SLC22A3: variants seen among roughly 807,000 people sequenced by gnomAD.
SLC22A3 encodes solute carrier family 22 member 3.
Under a neutral mutation model 59.1 loss-of-function variants are expected in SLC22A3, and 51 were observed. That is an observed-to-expected ratio of 0.86 (90% confidence interval 0.69 to 1.09). The LOEUF (loss-of-function observed/expected upper bound fraction) is 1.09, where lower values mean the gene tolerates loss of function less well. Ranked by LOEUF, SLC22A3 falls within the 50% of genes least tolerant of loss-of-function variation. The pLI is 0.00. For missense variants in SLC22A3, 711 were observed against 726.3 expected (o/e 0.98, Z 0.24); for synonymous variants, 325 against 292.0 (o/e 1.11, Z -1.15).
chr6:160,392,524 C>G (rs527628221), intron 1 of SLC22A3, among the ~76,000 whole-genome samples: 1 of 152,334 alleles, frequency 6.6e-6, no homozygotes, highest in Non-Finnish European at 1.5e-5. Flanking sequence ...TTCCTCCCAG[C>G]CTTCTCGGCA....
At chr6:160,432,356 G>A in intron 5 of SLC22A3, among the ~76,000 whole-genome samples, 1 of 152,060 alleles carries the variant, frequency 6.6e-6, no homozygotes, top group Non-Finnish European at 1.5e-5. Context: ...TCAACAATCG[G>A]GTACGCTGTG....
chr6:160,398,230 G>A (rs1178105346), intron 2 of SLC22A3, 148 bp downstream of exon 2: 5 of 645,260 alleles, frequency 7.7e-6, no homozygotes, highest in Admixed American at 2.1e-5. Flanking sequence ...ATCCACACTT[G>A]GTTGGTTTGA....
chr6:160,415,188 C>CT lies in SLC22A3; in HGVS notation c.975+4342_975+4343insT, dbSNP rs1787430062. Among the ~76,000 whole-genome samples the CT allele has an allele frequency of 6.6e-6, 1 of 152,174 alleles. No homozygotes were observed. The highest frequency in any genetic ancestry group is 6.5e-5 in the Admixed American group (1 of 15,274). ...GGATTTAACATTTAAGTTTAAAACA[C>CT]CTTGCTAAAAGCGGAATTCAGCCAC... On this transcript the variant is annotated intron_variant, in intron 5 of 10. Transcript: ENST00000275300. The surrounding 1 kb of genome is among the most constrained non-coding windows in gnomAD (Gnocchi z 4.1).
chr6:160,428,329 G>T (rs1467685133), intron 5 of SLC22A3, among the ~76,000 whole-genome samples: 1 of 152,126 alleles, frequency 6.6e-6, no homozygotes, highest in African/African-American at 2.4e-5. Context: ...CAAACTAATG[G>T]AATAAAATAT....
intron 1 of SLC22A3, among the ~76,000 whole-genome samples, chr6:160,364,720 G>C (rs1785144670): frequency 6.6e-6 from 1 of 152,160 alleles, no homozygotes; most frequent in Non-Finnish European, 1.5e-5. Context: ...CAAGCCTCTG[G>C]CACCAGAGGG....
chr6:160,447,669 G>T, intron 9 of SLC22A3, 50 bp from the exon 10 acceptor site: 1 of 1,519,338 alleles, frequency 6.6e-7, no homozygotes, highest in Non-Finnish European at 9.1e-7. Flanking sequence ...CATGGGAGAG[G>T]GCCCAGCTGT....
chr6:160,413,018 TAAG>T (rs1787319807), intron 5 of SLC22A3, among the ~76,000 whole-genome samples: 1 of 150,514 alleles, frequency 6.6e-6, no homozygotes, highest in Non-Finnish European at 1.5e-5. Flanking sequence ...TATAGAAAAA[TAAG>T]AATATAGAAA....
At chr6:160,352,903 C>A (rs950527991) in intron 1 of SLC22A3, among the ~76,000 whole-genome samples, 2 of 152,210 alleles carry the variant, frequency 1.3e-5, no homozygotes, top group African/African-American at 2.4e-5. Context: ...CTCACTGCAA[C>A]CTTGCCCCCC....
At chr6:160,428,695 T>G (rs941057296) in intron 5 of SLC22A3, among the ~76,000 whole-genome samples, 6 of 152,232 alleles carry the variant, frequency 3.9e-5, no homozygotes, top group Admixed American at 6.5e-5. Context: ...CACATTATAT[T>G]CTTACTGGAC....
At chr6:160,412,824 G>C (rs1391782594) in intron 5 of SLC22A3, among the ~76,000 whole-genome samples, 2 of 151,872 alleles carry the variant, frequency 1.3e-5, no homozygotes, top group Non-Finnish European at 2.9e-5. Context: ...TAAGTCCAAG[G>C]TTTTGATCTT....
chr6:160,354,909 A>C (rs921220141), intron 1 of SLC22A3, among the ~76,000 whole-genome samples: 1 of 152,200 alleles, frequency 6.6e-6, no homozygotes, highest in Admixed American at 6.5e-5. Flanking sequence ...CACGTGTCTG[A>C]GTCCTGGTCA....
intron 1 of SLC22A3, among the ~76,000 whole-genome samples, chr6:160,386,678 A>C (rs1373267701): frequency 6.6e-6 from 1 of 152,200 alleles, no homozygotes; most frequent in Non-Finnish European, 1.5e-5. Context: ...AGCTGCTGCC[A>C]CCAGCAGCAC....
At chr6:160,357,193 A>C (rs1355048965) in intron 1 of SLC22A3, among the ~76,000 whole-genome samples, 1 of 152,214 alleles carries the variant, frequency 6.6e-6, no homozygotes, top group African/African-American at 2.4e-5. Context: ...TTTCAAATTC[A>C]GTCCTGGGAG....
In SLC22A3 at chr6:160,402,967, C is replaced by T. The variant is rs374207751; in HGVS notation, c.534-4074C>T. On this transcript the variant is annotated intron_variant, in intron 2 of 10. Coordinates refer to ENST00000275300, the MANE Select transcript of SLC22A3 (RefSeq NM_021977.4). ...AAATATATAAAATCAATAATCTAAG[C>T]TTTCACCTTAGGAAACTGGAGAAGA... 2.3e-4 allele frequency among the ~76,000 whole-genome samples: 35 copies of T among 151,290 alleles called. No individual in the cohort carries two copies. In the South Asian group the frequency reaches 7.1e-3, roughly 31 times the overall value.
intron 5 of SLC22A3, among the ~76,000 whole-genome samples, chr6:160,436,052 A>C (rs937388677): frequency 2.6e-5 from 4 of 152,092 alleles, no homozygotes; most frequent in Admixed American, 2.6e-4. Context: ...TAAAATCAGG[A>C]CTGAGGAGGT....
chr6:160,358,930 A>G (rs1261083628), intron 1 of SLC22A3, among the ~76,000 whole-genome samples: 1 of 152,208 alleles, frequency 6.6e-6, no homozygotes, highest in Non-Finnish European at 1.5e-5. Flanking sequence ...GTGAGGGCTG[A>G]AGACTCAGCT....
At chr6:160,377,311 C>T (rs1040847280) in intron 1 of SLC22A3, among the ~76,000 whole-genome samples, 1 of 151,828 alleles carries the variant, frequency 6.6e-6, no homozygotes, top group African/African-American at 2.4e-5. Context: ...ATAGTGAAAC[C>T]CCATCTCTAC....
At chr6:160,409,157 G>A (rs1787147261) in intron 4 of SLC22A3, among the ~76,000 whole-genome samples, 1 of 112,632 alleles carries the variant, frequency 8.9e-6, no homozygotes, top group Non-Finnish European at 1.8e-5. Flanking sequence ...ATCTCCCAAT[G>A]CTATCCCTCC....
At chr6:160,423,299 C>T (rs1354860610) in intron 5 of SLC22A3, among the ~76,000 whole-genome samples, 3 of 152,306 alleles carry the variant, frequency 2.0e-5, no homozygotes, top group African/African-American at 7.2e-5. Flanking sequence ...CATATGTGTG[C>T]ATGTGCCTTT....
Sources: allele counts gnomAD v4.1 joint callset (sites outside exome capture counted in the v4.1 genomes callset), GRCh38; gene constraint gnomAD v4.1.1; non-coding constraint Gnocchi (gnomAD v3.1); transcripts MANE v1.5; gene names NCBI Gene and HGNC (gene_info 2026-07-23, HGNC 2026-07-21).